The following DMD variants were observed in gnomAD, a reference collection of about 807,000 sequenced individuals.
The protein encoded by DMD is mutant dystrophin.
In DMD, 63 loss-of-function variants were observed where a neutral mutation model predicts 330.1. The observed-to-expected ratio is 0.19, with a 90% CI of 0.16 to 0.24. The LOEUF is 0.24. Among genes scored for constraint, DMD ranks in the 10% least tolerant of loss-of-function variants. The pLI is 1.00. For missense variants in DMD, 3,344 were observed against 2,684.1 expected (o/e 1.25, Z -5.43); for synonymous variants, 1,223 against 959.8 (o/e 1.27, Z -5.07).
chrX:32,235,058 C>T (rs964158019), intron 43 of DMD, among the ~76,000 whole-genome samples: 1 of 111,374 alleles, frequency 9.0e-6, no homozygotes, highest in Non-Finnish European at 1.9e-5. Flanking sequence ...GGATGGTTTC[C>T]ATATGATTCA....
intron 21 of DMD, among the ~76,000 whole-genome samples, chrX:32,481,275 C>A (rs375564646): frequency 9.0e-6 from 1 of 111,422 alleles, no homozygotes; most frequent in East Asian, 2.9e-4. Context: ...AATGATTTTT[C>A]TTTATCTTAT....
chrX:32,076,077 A>C (rs1322156876), intron 44 of DMD, among the ~76,000 whole-genome samples: 4 of 97,146 alleles, frequency 4.1e-5, no homozygotes, highest in African/African-American at 1.5e-4. Context: ...AAAAAAAAAA[A>C]AAAAAAAAAA....
chrX:32,624,121 A>G (rs780531131), intron 11 of DMD, among the ~76,000 whole-genome samples: 1 of 112,448 alleles, frequency 8.9e-6, no homozygotes, highest in African/African-American at 3.2e-5. Flanking sequence ...TCAAAGTCAC[A>G]AAATAAAAAT....
chrX:31,641,824 G>A (rs2079783181), intron 54 of DMD, among the ~76,000 whole-genome samples: 1 of 111,819 alleles, frequency 8.9e-6, no homozygotes, highest in Admixed American at 9.5e-5. Context: ...AAAGAAGCCA[G>A]GACTCTTACA....
At chrX:31,373,447 G>A (rs1341358827) in intron 60 of DMD, among the ~76,000 whole-genome samples, 8 of 96,369 alleles carry the variant, frequency 8.3e-5, no homozygotes, top group Non-Finnish European at 1.7e-4. Context: ...AAGCAAAACA[G>A]CATGGTACTG....
intron 2 of DMD, among the ~76,000 whole-genome samples, chrX:32,942,782 A>G (rs1164271799): frequency 8.9e-6 from 1 of 111,817 alleles, no homozygotes; most frequent in Non-Finnish European, 1.9e-5. Context: ...TCATAGTTAG[A>G]GAACACAGAA....
intron 7 of DMD, among the ~76,000 whole-genome samples, chrX:32,720,465 C>A (rs369310264): frequency 4.2e-4 from 47 of 111,974 alleles, no homozygotes; most frequent in African/African-American, 1.0e-3. Flanking sequence ...AAATGTTATT[C>A]GATTCACATT....
intron 55 of DMD, among the ~76,000 whole-genome samples, chrX:31,567,202 T>A (rs2075515390): frequency 8.9e-6 from 1 of 111,792 alleles, no homozygotes; most frequent in African/African-American, 3.2e-5. Context: ...TATGCATGCT[T>A]TATTGTTTTT....
intron 63 of DMD, among the ~76,000 whole-genome samples, chrX:31,238,778 G>A (rs73210590): frequency 3.0e-3 from 340 of 111,823 alleles, no homozygotes; most frequent in Non-Finnish European, 3.8e-3. Context: ...TGAATGGGCA[G>A]TAGTACCCTC....
chrX:32,287,134 A>AT (rs931300271), intron 43 of DMD, among the ~76,000 whole-genome samples: 2 of 111,643 alleles, frequency 1.8e-5, no homozygotes, highest in African/African-American at 3.3e-5. Context: ...ATGAAAATCA[A>AT]TTTTTTTATT....
intron 16 of DMD, among the ~76,000 whole-genome samples, chrX:32,555,334 C>A (rs1008797621): frequency 1.4e-4 from 16 of 111,507 alleles, no homozygotes; most frequent in African/African-American, 4.9e-4. Context: ...TATAAACCCA[C>A]ATCCAAATGG....
At chrX:31,494,427 T>C (rs749953336) in intron 57 of DMD, among the ~76,000 whole-genome samples, 6 of 111,395 alleles carry the variant, frequency 5.4e-5, no homozygotes, top group Admixed American at 4.8e-4. Context: ...AGGAGGTAAA[T>C]ATGGAAGGGC....
intron 1 of DMD, among the ~76,000 whole-genome samples, chrX:33,021,767 T>C (rs1399123938): frequency 3.6e-5 from 4 of 111,917 alleles, no homozygotes; most frequent in Non-Finnish European, 7.5e-5. Context: ...TTTAATTATG[T>C]TATTCACACA....
intron 47 of DMD, among the ~76,000 whole-genome samples, chrX:31,895,446 A>ATAGT (rs774407672): frequency 9.2e-4 from 103 of 111,677 alleles, no homozygotes; most frequent in Middle Eastern, 4.6e-3. Context: ...TATTTGGGAC[A>ATAGT]TAGTTATGCT....
intron 7 of DMD, among the ~76,000 whole-genome samples, chrX:32,773,384 GCATTTAT>G (rs745417318): frequency 8.1e-5 from 9 of 111,256 alleles, no homozygotes; most frequent in African/African-American, 2.9e-4. Flanking sequence ...ATCACCTCAA[GCATTTAT>G]CATTTATGTT....
chrX:32,913,855 A>G (rs2087527323), intron 2 of DMD, among the ~76,000 whole-genome samples: 1 of 112,175 alleles, frequency 8.9e-6, no homozygotes, highest in Admixed American at 9.5e-5. Context: ...CTTCAGAGGG[A>G]CAATTATGAG....
At chrX:31,985,693 T>C (rs188857081) in intron 44 of DMD, among the ~76,000 whole-genome samples, 139 of 112,571 alleles carry the variant, frequency 1.2e-3, no homozygotes, top group Non-Finnish European at 2.2e-3. Context: ...GGCATTTCAT[T>C]GCAGGTATAG....
intron 2 of DMD, among the ~76,000 whole-genome samples, chrX:33,007,471 C>T (rs1300815508): frequency 9.0e-6 from 1 of 111,521 alleles, no homozygotes; most frequent in Admixed American, 9.6e-5. Context: ...TGGCAACCTA[C>T]CCTTTGAAAT....
chrX:32,626,541 T>A (rs2058356998), intron 11 of DMD, among the ~76,000 whole-genome samples: 1 of 105,265 alleles, frequency 9.5e-6, no homozygotes, highest in African/African-American at 4.0e-5. Context: ...ATAGATTAGT[T>A]TTGGTTTTAG....
Sources: gnomAD v4.1 joint callset for allele counts (sites outside exome capture counted in the v4.1 genomes callset) on GRCh38, gnomAD v4.1.1 for gene constraint, MANE v1.5 for transcripts, NCBI Gene and HGNC (gene_info 2026-07-23, HGNC 2026-07-21) for gene names.